Variants in SYTL2 observed in about 807,000 individuals in gnomAD.
SYTL2 encodes the protein synaptotagmin-like protein 2.
A neutral mutation model predicts 198.7 loss-of-function variants in SYTL2; 165 were observed. The observed-to-expected ratio is 0.83, with a 90% confidence interval of 0.73 to 0.94. The LOEUF (loss-of-function observed/expected upper bound fraction) is 0.94. Among genes scored for constraint, SYTL2 ranks in the 40% least tolerant of loss-of-function variants. The pLI is 0.00. For missense variants in SYTL2, 2,835 were observed against 2,582.8 expected (o/e 1.10, Z -2.12); for synonymous variants, 966 against 917.7 (o/e 1.05, Z -0.95).
At chr11:85,806,483 C>T (rs549968617) in intron 1 of SYTL2, among the ~76,000 whole-genome samples, 1 of 152,338 alleles carries the variant, frequency 6.6e-6, no homozygotes, top group South Asian at 2.1e-4. Context: ...AACCTGCTTT[C>T]ATTATACTGT....
At chr11:85,803,990 T>A (rs1424508866) in intron 1 of SYTL2, among the ~76,000 whole-genome samples, 6 of 152,234 alleles carry the variant, frequency 3.9e-5, no homozygotes, top group African/African-American at 1.4e-4. Context: ...AAAAGAAAGA[T>A]ACTATTTTTG....
At chr11:85,792,989 T>C (rs576656260) in intron 1 of SYTL2, among the ~76,000 whole-genome samples, 1 of 152,060 alleles carries the variant, frequency 6.6e-6, no homozygotes, top group South Asian at 2.1e-4. Context: ...TAGTATTCCA[T>C]GGTGTATATG....
intron 13 of SYTL2, 128 bp from the exon 14 acceptor site, chr11:85,709,628 G>T: frequency 2.5e-6 from 2 of 810,740 alleles, no homozygotes; most frequent in Non-Finnish European, 3.9e-6. Context: ...ATTCAATATA[G>T]CATAAAGACA....
chr11:85,714,267 C>T (rs1591664182), intron 12 of SYTL2, 146 bp downstream of exon 12: 1 of 628,756 alleles, frequency 1.6e-6, no homozygotes, highest in East Asian at 2.8e-5. Flanking sequence ...GGATGAACAA[C>T]ACTACTTCTA....
Position 85,705,035 on chromosome 11 carries a change from T to C in SYTL2, c.6019-7A>G. On this transcript the variant is annotated splice_region_variant and splice_polypyrimidine_tract_variant and intron_variant, in intron 15 of 19. Coordinates refer to ENST00000359152, the MANE Select transcript of SYTL2 (RefSeq NM_206927.4). ...TTTGTTTTTCAATTTTATACTGAAG[T>C]TCAAAGAAGAAAATTAAATGATGAA... is the stretch of plus-strand genomic sequence containing the variant. 6.3e-7 allele frequency: 1 copy of C among 1,597,530 alleles called. No individual in the cohort carries two copies. Among genetic ancestry groups the C allele is most frequent in the Non-Finnish European group, 8.6e-7 (1 of 1,167,102 alleles).
At chr11:85,849,378 T>C in the SYTL2 span, among the ~76,000 whole-genome samples, 1 of 152,206 alleles carries the variant, frequency 6.6e-6, no homozygotes, top group Non-Finnish European at 1.5e-5. Context: ...GCCTGTGTCC[T>C]GAATGGTAAT....
At chr11:85,759,188 G>A (rs2092012701) in intron 1 of SYTL2, among the ~76,000 whole-genome samples, 1 of 150,950 alleles carries the variant, frequency 6.6e-6, no homozygotes, top group Non-Finnish European at 1.5e-5. Context: ...GGAGGTTGCA[G>A]TGAGCCGGGA....
rs1407020162 is a variant in SYTL2, at chr11:85,714,444, C to T, written c.5594G>A (p.Ser1865Asn). ...FSHPDKLKRM[S>N]KSVPAFLQDE... is the part of the protein sequence containing the mutation. ...TTGGAGAAATGCTGGAACAGACTTG[C>T]TCATCCTTTTGAGTTTGTCAGGGTG... Residue 1865 changes from serine to asparagine, a missense_variant, in exon 12 of 20, where the codon AGC becomes AAC. By Grantham distance (46) the Ser-to-Asn change is conservative (BLOSUM62 1). Coordinates refer to ENST00000359152, the MANE Select transcript of SYTL2 (RefSeq NM_206927.4). The T allele has an allele frequency of 6.2e-7, 1 of 1,613,774 alleles. No homozygotes were observed. Among genetic ancestry groups the T allele is most frequent in the Non-Finnish European group, 8.5e-7 (1 of 1,179,718 alleles).
chr11:85,805,523 T>A (rs2092947450), intron 1 of SYTL2, among the ~76,000 whole-genome samples: 1 of 152,154 alleles, frequency 6.6e-6, no homozygotes, highest in Non-Finnish European at 1.5e-5. Flanking sequence ...GAACTTAGCT[T>A]GCCTGGGATC....
chr11:85,781,762 A>G (rs1416533481), intron 1 of SYTL2, among the ~76,000 whole-genome samples: 1 of 152,220 alleles, frequency 6.6e-6, no homozygotes, highest in Non-Finnish European at 1.5e-5. Flanking sequence ...AAGCTCCAAA[A>G]TGATCTCCTT....
chr11:85,844,547 T>C, the SYTL2 span, among the ~76,000 whole-genome samples: 33 of 152,232 alleles, frequency 2.2e-4, no homozygotes, highest in African/African-American at 7.0e-4. Context: ...TTTCATAGAC[T>C]ACTTCCTGGT....
Position 85,724,561 on chromosome 11 carries a change from T to A in SYTL2, c.4797A>T (p.Ser1599=). 1 of 1,613,868 alleles carries A rather than the reference T, an allele frequency of 6.2e-7. No individual in the cohort carries two copies. Among genetic ancestry groups the A allele is most frequent in the Non-Finnish European group, 8.5e-7 (1 of 1,179,936 alleles). The change falls in exon 8 of 20, where the codon TCA becomes TCT. Residue 1599 remains serine (S), a synonymous_variant. Coordinates refer to ENST00000359152, the MANE Select transcript of SYTL2 (RefSeq NM_206927.4). ...CTGTCCCCAAGAACCTGGTCTGCTC[T>A]GACTGTGAGGACTCCTTCTCGTGAG... is the stretch of plus-strand genomic sequence containing the variant. The part of the protein sequence containing the change: ...EETHEKESSQ[S]EQTRFLGTVP...
At chr11:85,826,584 G>A in the SYTL2 span, among the ~76,000 whole-genome samples, 1 of 152,244 alleles carries the variant, frequency 6.6e-6, no homozygotes, top group African/African-American at 2.4e-5. Flanking sequence ...TGCTGGTCTA[G>A]GGAGCCAGCG....
At chr11:85,712,745 C>T (rs1404801521) in intron 12 of SYTL2, among the ~76,000 whole-genome samples, 7 of 151,892 alleles carry the variant, frequency 4.6e-5, no homozygotes, top group Non-Finnish European at 8.8e-5. Context: ...CAATTAGAGT[C>T]TCACTCTATC....
chr11:85,829,059 T>G, the SYTL2 span, among the ~76,000 whole-genome samples: 8,144 of 149,612 alleles, frequency 0.054, 489 homozygotes, highest in African/African-American at 0.16. Context: ...GTTTTTTTTT[T>G]TTTGTTTGTT....
Position 85,725,227 on chromosome 11 carries a change from C to G in SYTL2, c.4131G>C (p.Leu1377=). The G allele has an allele frequency of 6.2e-7, 1 of 1,614,212 alleles. No homozygotes were observed. The highest frequency in any genetic ancestry group is 8.5e-7 in the Non-Finnish European group (1 of 1,180,020). Residue 1377 remains leucine, a synonymous_variant, in exon 8 of 20, where the codon CTG becomes CTC. Transcript: ENST00000359152. ...GATAACTTAACCATACTTCTCCACA[C>G]AGCTTCTGTAATGCAGCACTTACAT... is the stretch of plus-strand genomic sequence containing the variant. ...LNDVSAALQK[L]CGEVWLSYPA...
At chr11:85,761,334 C>A (rs1326925050) in intron 1 of SYTL2, among the ~76,000 whole-genome samples, 1 of 151,996 alleles carries the variant, frequency 6.6e-6, no homozygotes, top group African/African-American at 2.4e-5. Context: ...GATATTTGAA[C>A]AAAAACGTGA....
intron 1 of SYTL2, among the ~76,000 whole-genome samples, chr11:85,771,708 C>G (rs889532071): frequency 1.3e-5 from 2 of 152,122 alleles, no homozygotes; most frequent in African/African-American, 4.8e-5. Flanking sequence ...GTCACAAGAT[C>G]TGGTTTGAAA....
chr11:85,739,746 A>C (rs954131136), intron 4 of SYTL2, among the ~76,000 whole-genome samples: 2 of 152,146 alleles, frequency 1.3e-5, no homozygotes, highest in African/African-American at 2.4e-5. Flanking sequence ...CACAGAGGTT[A>C]AGTCACCTGC....
Sources: gnomAD v4.1 joint callset for allele counts (sites outside exome capture counted in the v4.1 genomes callset) on GRCh38, gnomAD v4.1.1 for gene constraint, MANE v1.5 for transcripts, NCBI Gene and HGNC (gene_info 2026-07-23, HGNC 2026-07-21) for gene names.